PPP2R2B: variants seen among roughly 807,000 people sequenced by gnomAD.
PPP2R2B encodes serine/threonine-protein phosphatase 2A 55 kDa regulatory subunit B beta isoform.
PPP2R2B carries 5 observed loss-of-function variants against 46.0 expected under a neutral mutation model. That is an observed-to-expected ratio of 0.11 (90% CI 0.06 to 0.23). The LOEUF is 0.23. Among genes scored for constraint, PPP2R2B ranks in the 10% least tolerant of loss-of-function variants. The pLI is 1.00. For synonymous variants in PPP2R2B, 215 were observed against 206.7 expected, an observed-to-expected ratio of 1.04 and a Z score of -0.34; for missense variants, 367 against 575.0, an observed-to-expected ratio of 0.64 and a Z score of 3.70.
intron 2 of PPP2R2B, among the ~76,000 whole-genome samples, chr5:147,076,406 T>A (rs1757766732): frequency 6.6e-6 from 1 of 152,188 alleles, no homozygotes; most frequent in African/African-American, 2.4e-5. Context: ...CAATTAATGA[T>A]CATATATGCA....
At chr5:146,937,315 A>AG (rs1407204117) in intron 1 of PPP2R2B, among the ~76,000 whole-genome samples, 10 of 150,672 alleles carry the variant, frequency 6.6e-5, no homozygotes, top group African/African-American at 1.5e-4. Flanking sequence ...AAAAAAAAAA[A>AG]GGGGGGTTAC....
rs547019523 is a variant in PPP2R2B at position 146,708,385 on chromosome 5, A to G, written c.71-7243T>C. Among the ~76,000 whole-genome samples, 10 of 137,610 alleles carry G rather than the reference A, an allele frequency of 7.3e-5. No homozygotes were observed. In the South Asian group the frequency reaches 2.4e-3, roughly 33 times the overall value. The allele number at this position is 137,610 out of a possible 152,430, so 90.3% of individuals were successfully genotyped here. A position where few individuals can be genotyped will look rare whatever the true frequency, so the allele number is the denominator to read the frequency against. ...AAAAAAAAAAACACTGTATATCTGT[A>G]TATCTATGTATGTGTGTGTGTATGT... On this transcript the variant is annotated intron_variant, in intron 2 of 9. Transcript: ENST00000394411.
At chr5:146,743,529 G>A (rs1753002761) in intron 2 of PPP2R2B, among the ~76,000 whole-genome samples, 1 of 152,164 alleles carries the variant, frequency 6.6e-6, no homozygotes, top group Non-Finnish European at 1.5e-5. Flanking sequence ...TGACTCTGAT[G>A]GCAATTTTTA....
intron 2 of PPP2R2B, among the ~76,000 whole-genome samples, chr5:146,708,356 C>CA (rs112342262): frequency 0.35 from 37,988 of 109,758 alleles, 5,295 homozygotes; most frequent in East Asian, 0.43. Context: ...GACTTGGTCT[C>CA]AAAAAAAAAA....
At chr5:146,852,340 T>C (rs1029250287) in intron 2 of PPP2R2B, among the ~76,000 whole-genome samples, 5 of 152,164 alleles carry the variant, frequency 3.3e-5, no homozygotes, top group Admixed American at 6.5e-5. Context: ...AAACTAATCA[T>C]GCCTTTGTTT....
intron 4 of PPP2R2B, among the ~76,000 whole-genome samples, chr5:146,694,469 G>A (rs1244180753): frequency 6.6e-6 from 1 of 151,962 alleles, no homozygotes; most frequent in South Asian, 2.1e-4. Context: ...AGTTAACATC[G>A]TATATTTTTC....
At chr5:146,689,964 CA>C (rs1324528513) in intron 5 of PPP2R2B, among the ~76,000 whole-genome samples, 5 of 152,190 alleles carry the variant, frequency 3.3e-5, no homozygotes, top group African/African-American at 9.6e-5. Flanking sequence ...AGTCTATATT[CA>C]AAAAGTAACT....
intron 7 of PPP2R2B, among the ~76,000 whole-genome samples, chr5:146,615,417 G>A (rs1224764849): frequency 8.6e-6 from 1 of 115,796 alleles, no homozygotes; most frequent in Admixed American, 8.9e-5. Flanking sequence ...ACACGTTAGT[G>A]GGTGCAGCGC....
chr5:146,592,521 A>G (rs1258460455), intron 9 of PPP2R2B, among the ~76,000 whole-genome samples: 6 of 152,250 alleles, frequency 3.9e-5, no homozygotes, highest in Non-Finnish European at 8.8e-5. Context: ...GGAATGTGAT[A>G]AATGAGGTTG....
At chr5:146,604,620 T>G (rs1772088645) in intron 7 of PPP2R2B, among the ~76,000 whole-genome samples, 2 of 152,146 alleles carry the variant, frequency 1.3e-5, no homozygotes, top group African/African-American at 4.8e-5. Flanking sequence ...ATAGTAACAG[T>G]AACAACAATA....
intron 1 of PPP2R2B, among the ~76,000 whole-genome samples, chr5:146,906,758 C>G (rs496197): frequency 0.49 from 74,036 of 151,950 alleles, 19,828 homozygotes; most frequent in East Asian, 0.71. Flanking sequence ...AATTATGTAC[C>G]TGGCTCACCT....
intron 1 of PPP2R2B, among the ~76,000 whole-genome samples, chr5:147,011,145 G>T (rs1754711547): frequency 6.6e-6 from 1 of 152,020 alleles, no homozygotes; most frequent in South Asian, 2.1e-4. Flanking sequence ...TATGTCACAG[G>T]CACACTCATG....
chr5:146,936,924 A>C (rs951615473), intron 1 of PPP2R2B, among the ~76,000 whole-genome samples: 1 of 149,452 alleles, frequency 6.7e-6, no homozygotes, highest in Non-Finnish European at 1.5e-5. Flanking sequence ...TAAATGCTTC[A>C]TATACTTTAT....
chr5:146,950,406 G>C (rs1764615795), intron 1 of PPP2R2B, among the ~76,000 whole-genome samples: 1 of 152,006 alleles, frequency 6.6e-6, no homozygotes, highest in Non-Finnish European at 1.5e-5. Context: ...GAGCCTGACA[G>C]TTGTTCTACT....
At chr5:146,791,380 C>T (rs1177761906) in intron 2 of PPP2R2B, among the ~76,000 whole-genome samples, 1 of 151,882 alleles carries the variant, frequency 6.6e-6, no homozygotes. Context: ...TTTCATTTTT[C>T]AGCCCAATCT....
At chr5:146,623,918 A>C (rs1773869379) in intron 7 of PPP2R2B, among the ~76,000 whole-genome samples, 1 of 152,184 alleles carries the variant, frequency 6.6e-6, no homozygotes, top group Non-Finnish European at 1.5e-5. Flanking sequence ...TGAGCTGTCA[A>C]AATAGAATTA....
intron 2 of PPP2R2B, among the ~76,000 whole-genome samples, chr5:146,793,578 T>C (rs1385500375): frequency 2.0e-5 from 3 of 152,182 alleles, no homozygotes; most frequent in African/African-American, 7.2e-5. Context: ...GATATTAAGA[T>C]CACACAACAG....
At chr5:146,700,973 G>T in intron 3 of PPP2R2B, 72 bp downstream of exon 3, 1 of 1,349,424 alleles carries the variant, frequency 7.4e-7, no homozygotes, top group Non-Finnish European at 1.1e-6. Context: ...CGACACATAA[G>T]GATTAAGGAA....
chr5:146,856,667 C>T, intron 2 of PPP2R2B: 1 of 910,008 alleles, frequency 1.1e-6, no homozygotes, highest in Non-Finnish European at 1.8e-6. Flanking sequence ...CATTTACATA[C>T]TTTCCACATA....
Sources: allele counts gnomAD v4.1 joint callset (sites outside exome capture counted in the v4.1 genomes callset), GRCh38; gene constraint gnomAD v4.1.1; transcripts MANE v1.5; gene names NCBI Gene and HGNC (gene_info 2026-07-23, HGNC 2026-07-21).